Variants in ARHGAP26 observed in about 807,000 individuals in gnomAD.
The protein encoded by ARHGAP26 is Rho GTPase activating protein 26.
In ARHGAP26, 38 loss-of-function variants were observed where a neutral mutation model predicts 104.8. That is an observed-to-expected ratio of 0.36 (90% CI 0.28 to 0.48). ARHGAP26 has a LOEUF of 0.48. Ranked by LOEUF, ARHGAP26 falls within the 20% of genes least tolerant of loss-of-function variation. ARHGAP26 has a pLI of 0.99. For synonymous variants in ARHGAP26, 341 were observed against 340.0 expected (o/e 1.00, Z -0.03); for missense variants, 704 against 947.9 (o/e 0.74, Z 3.38).
chr5:142,975,205 G>T (rs1468971300), intron 11 of ARHGAP26, among the ~76,000 whole-genome samples: 1 of 152,168 alleles, frequency 6.6e-6, no homozygotes, highest in Non-Finnish European at 1.5e-5. Flanking sequence ...AAACGGCATG[G>T]ACTTGGAAAA....
chr5:142,867,275 A>C (rs964302940), intron 1 of ARHGAP26, among the ~76,000 whole-genome samples: 1 of 148,512 alleles, frequency 6.7e-6, no homozygotes, highest in Non-Finnish European at 1.5e-5. Flanking sequence ...GTTTCATTCT[A>C]AGATTTGCAC....
intron 20 of ARHGAP26, among the ~76,000 whole-genome samples, chr5:143,200,300 C>G (rs986275121): frequency 1.3e-5 from 2 of 152,166 alleles, no homozygotes; most frequent in Admixed American, 1.3e-4. Flanking sequence ...AAAGAAACTC[C>G]TAGCCTTTGA....
intron 1 of ARHGAP26, among the ~76,000 whole-genome samples, chr5:142,786,295 T>A (rs1223946770): frequency 2.0e-5 from 3 of 151,934 alleles, no homozygotes; most frequent in South Asian, 2.1e-4. Flanking sequence ...ATACATTTTT[T>A]AAAAAGTTAA....
chr5:142,850,799 G>T (rs1348234898), intron 1 of ARHGAP26, among the ~76,000 whole-genome samples: 1 of 152,228 alleles, frequency 6.6e-6, no homozygotes, highest in Non-Finnish European at 1.5e-5. Flanking sequence ...TGCCTCATAT[G>T]TAGCAAATAA....
chr5:143,105,889 C>A (rs1793944255), intron 17 of ARHGAP26, among the ~76,000 whole-genome samples: 1 of 152,012 alleles, frequency 6.6e-6, no homozygotes, highest in Non-Finnish European at 1.5e-5. Flanking sequence ...TTTTTATTTT[C>A]CATTGCCAAA....
intron 18 of ARHGAP26, among the ~76,000 whole-genome samples, chr5:143,123,089 G>A (rs915876938): frequency 6.6e-6 from 1 of 152,190 alleles, no homozygotes; most frequent in Non-Finnish European, 1.5e-5. Context: ...GTGACAGCCA[G>A]CCTCCAAAAT....
At chr5:142,907,090 A>G (rs896219648) in intron 8 of ARHGAP26, among the ~76,000 whole-genome samples, 2 of 152,208 alleles carry the variant, frequency 1.3e-5, no homozygotes, top group African/African-American at 4.8e-5. Context: ...TGAGGGACAT[A>G]GTCCTTAGAG....
intron 17 of ARHGAP26, among the ~76,000 whole-genome samples, chr5:143,075,626 A>G (rs1047712172): frequency 3.9e-5 from 6 of 152,238 alleles, no homozygotes; most frequent in Non-Finnish European, 8.8e-5. Context: ...TATTTACACT[A>G]AAGTTTGGGA....
chr5:143,085,723 A>G (rs1443648106), intron 17 of ARHGAP26, among the ~76,000 whole-genome samples: 3 of 152,180 alleles, frequency 2.0e-5, no homozygotes, highest in African/African-American at 4.8e-5. Context: ...GTGTTTATCC[A>G]TCTGGTTGGA....
intron 1 of ARHGAP26, among the ~76,000 whole-genome samples, chr5:142,799,297 C>A (rs1383081901): frequency 6.6e-6 from 1 of 152,006 alleles, no homozygotes; most frequent in Non-Finnish European, 1.5e-5. Context: ...ACTATAAGAT[C>A]CCCTTAGATG....
chr5:143,052,247 G>A (rs532260372), intron 14 of ARHGAP26, among the ~76,000 whole-genome samples: 24 of 152,220 alleles, frequency 1.6e-4, no homozygotes, highest in Non-Finnish European at 2.4e-4. Flanking sequence ...CGAGGCGGGC[G>A]GATCTCGAGG....
chr5:143,078,002 C>T (rs1789278872), intron 17 of ARHGAP26, among the ~76,000 whole-genome samples: 1 of 152,230 alleles, frequency 6.6e-6, no homozygotes, highest in South Asian at 2.1e-4. Flanking sequence ...TCTGCATGCC[C>T]TCTCCTATAT....
intron 14 of ARHGAP26, among the ~76,000 whole-genome samples, chr5:143,052,228 T>G (rs1362282987): frequency 6.6e-6 from 1 of 152,118 alleles, no homozygotes; most frequent in African/African-American, 2.4e-5. Flanking sequence ...TCCCAGCACT[T>G]TAGGAGGCCG....
At chr5:143,024,614 T>C (rs1780776598) in intron 12 of ARHGAP26, among the ~76,000 whole-genome samples, 1 of 152,218 alleles carries the variant, frequency 6.6e-6, no homozygotes, top group African/African-American at 2.4e-5. Context: ...TTAATGTTTA[T>C]TGAGTACATA....
intron 11 of ARHGAP26, among the ~76,000 whole-genome samples, chr5:142,955,899 G>T (rs1598383679): frequency 6.6e-6 from 1 of 152,220 alleles, no homozygotes; most frequent in Middle Eastern, 3.4e-3. Context: ...TGCTTACTTG[G>T]CTTTACTCCC....
intron 17 of ARHGAP26, among the ~76,000 whole-genome samples, chr5:143,093,156 T>C (rs917333850): frequency 6.6e-6 from 1 of 152,218 alleles, no homozygotes; most frequent in East Asian, 1.9e-4. Context: ...GCTTTTTTTT[T>C]TTTTGGACTT....
At chr5:143,180,767 CA>C (rs1400852880) in intron 20 of ARHGAP26, among the ~76,000 whole-genome samples, 1 of 152,190 alleles carries the variant, frequency 6.6e-6, no homozygotes, top group Admixed American at 6.5e-5. Context: ...TCTCCCTAGA[CA>C]TGTGGGAATT....
At chr5:142,929,846 G>C (rs566493072) in intron 10 of ARHGAP26, among the ~76,000 whole-genome samples, 2 of 152,290 alleles carry the variant, frequency 1.3e-5, no homozygotes, top group Non-Finnish European at 1.5e-5. Flanking sequence ...GCCACTAGCA[G>C]GAAACGAACT....
intron 11 of ARHGAP26, among the ~76,000 whole-genome samples, chr5:142,960,123 C>G (rs1281904891): frequency 6.6e-6 from 1 of 152,236 alleles, no homozygotes; most frequent in East Asian, 1.9e-4. Flanking sequence ...GCTAGGACAA[C>G]CTGATACAGC....
Sources: gnomAD v4.1 joint callset for allele counts (sites outside exome capture counted in the v4.1 genomes callset) on GRCh38, gnomAD v4.1.1 for gene constraint, MANE v1.5 for transcripts, NCBI Gene and HGNC (gene_info 2026-07-23, HGNC 2026-07-21) for gene names.